Variants in CDH12 observed in about 807,000 individuals in gnomAD.
The protein encoded by CDH12 is cadherin-12.
A neutral mutation model predicts 74.1 loss-of-function variants in CDH12; 41 were observed. The observed-to-expected ratio is 0.55, with a 90% CI of 0.43 to 0.72. The LOEUF is 0.72. Among genes scored for constraint, CDH12 ranks in the 30% least tolerant of loss-of-function variants. CDH12 has a pLI of 0.00. For missense variants in CDH12, 945 were observed against 977.2 expected (o/e 0.97, Z 0.44); for synonymous variants, 399 against 355.0 (o/e 1.12, Z -1.39).
intron 5 of CDH12, among the ~76,000 whole-genome samples, chr5:22,012,559 C>T (rs1473662240): frequency 6.6e-6 from 1 of 152,042 alleles, no homozygotes; most frequent in Non-Finnish European, 1.5e-5. Flanking sequence ...TACAGAACTG[C>T]TAAAATGTCC....
At chr5:22,490,975 T>C (rs1197860023) in intron 2 of CDH12, among the ~76,000 whole-genome samples, 1 of 152,186 alleles carries the variant, frequency 6.6e-6, no homozygotes, top group Non-Finnish European at 1.5e-5. Flanking sequence ...TCAAACTTCC[T>C]CATTTCTATT....
chr5:22,151,043 T>G (rs1275266209), intron 4 of CDH12, among the ~76,000 whole-genome samples: 1 of 152,178 alleles, frequency 6.6e-6, no homozygotes, highest in African/African-American at 2.4e-5. Context: ...CATAAATCAT[T>G]AAGGTGTTTT....
chr5:22,507,386 G>T (rs563775810), intron 1 of CDH12, among the ~76,000 whole-genome samples: 2 of 151,936 alleles, frequency 1.3e-5, no homozygotes, highest in Admixed American at 6.6e-5. Context: ...TATAATTAAT[G>T]TACATGTTAA....
chr5:22,491,170 C>T (rs1407376372), intron 2 of CDH12, among the ~76,000 whole-genome samples: 1 of 152,098 alleles, frequency 6.6e-6, no homozygotes, highest in East Asian at 1.9e-4. Context: ...AATACAATCC[C>T]CAATGTTTAT....
chr5:22,271,762 G>T (rs1736410302), intron 3 of CDH12, among the ~76,000 whole-genome samples: 1 of 151,644 alleles, frequency 6.6e-6, no homozygotes, highest in South Asian at 2.1e-4. Flanking sequence ...CAGGTACATT[G>T]TCAATGAGCA....
chr5:22,205,634 C>T (rs1038432778), intron 4 of CDH12, among the ~76,000 whole-genome samples: 1 of 152,026 alleles, frequency 6.6e-6, no homozygotes, highest in Non-Finnish European at 1.5e-5. Flanking sequence ...AAATCAATAT[C>T]CTTGCAATTC....
At chr5:21,880,689 TTCTC>T (rs1427577088) in intron 6 of CDH12, among the ~76,000 whole-genome samples, 1 of 131,588 alleles carries the variant, frequency 7.6e-6, no homozygotes. Flanking sequence ...CTTTCTTTCT[TTCTC>T]TTTTCTCCTT....
At position 21,755,680 on chromosome 5, in the gene CDH12, A is replaced by G; in HGVS notation, c.1796T>C (p.Leu599Pro). ...VCRCDSDGTI[L>P]SCNVEAIFLP... is the part of the protein sequence containing the mutation. Reference sequence around the variant, plus strand: ...AAAAATTGCTTCCACATTACAAGACAGGATGGTGCCATCAGAGTCACATCT... The same window carrying G: ...AAAAATTGCTTCCACATTACAAGACGGGATGGTGCCATCAGAGTCACATCT... Residue 599 changes from leucine to proline, a missense_variant, in exon 14 of 15, where the codon CTG becomes CCG. By Grantham distance (98) the Leu-to-Pro change is moderately conservative (BLOSUM62 -3). This residue lies in a region of CDH12 where 791 missense variants were observed against 792.8 expected (regional missense o/e 1.00). Transcript: ENST00000382254. 3 of 1,614,158 alleles carry G rather than the reference A, an allele frequency of 1.9e-6. No individual in the cohort carries two copies. The highest frequency in any genetic ancestry group is 2.5e-6 in the Non-Finnish European group (3 of 1,180,012).
At chr5:22,781,212 T>G (rs1747368759) in intron 1 of CDH12, among the ~76,000 whole-genome samples, 1 of 152,204 alleles carries the variant, frequency 6.6e-6, no homozygotes. Flanking sequence ...TGAATCTTGA[T>G]TTTTCTAAGC....
intron 3 of CDH12, among the ~76,000 whole-genome samples, chr5:22,400,105 C>T (rs1231751614): frequency 6.6e-6 from 1 of 152,120 alleles, no homozygotes; most frequent in Non-Finnish European, 1.5e-5. Flanking sequence ...CATATACTTC[C>T]CCCCTTTCTA....
intron 4 of CDH12, among the ~76,000 whole-genome samples, chr5:22,096,034 C>T (rs190152049): frequency 1.3e-5 from 2 of 151,966 alleles, no homozygotes; most frequent in Non-Finnish European, 2.9e-5. Flanking sequence ...TAAGAACCCC[C>T]AAACCCCTTC....
In CDH12 at chr5:22,606,243, G is replaced by A. The variant is rs534139621; in HGVS notation, c.-522-100879C>T. Among the ~76,000 whole-genome samples the A allele has an allele frequency of 1.1e-4, 17 of 152,264 alleles. No individual in the cohort carries two copies. The South Asian group carries it at 3.5e-3, about 32-fold the overall frequency. On this transcript the variant is annotated intron_variant, in intron 1 of 14. Coordinates refer to ENST00000382254, the MANE Select transcript of CDH12 (RefSeq NM_004061.5). The stretch of plus-strand genomic sequence containing the variant: ...CCTGGTCATACACTCACAGGATTCA[G>A]TTGATCATGTGCTGTGAAGCAACAT...
intron 1 of CDH12, among the ~76,000 whole-genome samples, chr5:22,720,332 A>G (rs529458141): frequency 1.3e-5 from 2 of 152,256 alleles, no homozygotes; most frequent in African/African-American, 4.8e-5. Flanking sequence ...TTTGTGAAGA[A>G]GACACTTGCT....
intron 2 of CDH12, among the ~76,000 whole-genome samples, chr5:22,467,523 TTTG>T (rs1280842291): frequency 2.6e-5 from 4 of 152,210 alleles, no homozygotes; most frequent in Middle Eastern, 3.2e-3. Flanking sequence ...ATTTTAATAT[TTTG>T]TTAAAGAGTT....
At chr5:22,392,573 A>G (rs1175299835) in intron 3 of CDH12, among the ~76,000 whole-genome samples, 1 of 152,224 alleles carries the variant, frequency 6.6e-6, no homozygotes, top group Non-Finnish European at 1.5e-5. Flanking sequence ...ATGTAGTTAA[A>G]TAAGCATTAT....
At chr5:22,329,676 C>A (rs1739265077) in intron 3 of CDH12, among the ~76,000 whole-genome samples, 1 of 152,124 alleles carries the variant, frequency 6.6e-6, no homozygotes, top group Non-Finnish European at 1.5e-5. Context: ...CAGCAGCGGC[C>A]CTGATACATA....
intron 5 of CDH12, among the ~76,000 whole-genome samples, chr5:21,991,676 A>C (rs115929773): frequency 0.01 from 1,557 of 151,506 alleles, 32 homozygotes; most frequent in African/African-American, 0.036. Context: ...TTTTTGTAGC[A>C]TCCATTACTG....
intron 3 of CDH12, among the ~76,000 whole-genome samples, chr5:22,324,763 G>T (rs543820736): frequency 6.6e-6 from 1 of 152,026 alleles, no homozygotes; most frequent in Admixed American, 6.5e-5. Flanking sequence ...GGCCTCTTCT[G>T]TCTGATACGT....
intron 1 of CDH12, among the ~76,000 whole-genome samples, chr5:22,615,187 C>T (rs994528555): frequency 3.3e-5 from 5 of 152,000 alleles, no homozygotes; most frequent in African/African-American, 1.2e-4. Flanking sequence ...ACTCTAATCA[C>T]GTGTAATGAC....
Sources: allele counts gnomAD v4.1 joint callset (sites outside exome capture counted in the v4.1 genomes callset), GRCh38; gene constraint gnomAD v4.1.1; regional missense constraint gnomAD v4.1.1; transcripts MANE v1.5; gene names NCBI Gene and HGNC (gene_info 2026-07-23, HGNC 2026-07-21).